Variants in MTF2 observed in about 807,000 individuals in gnomAD.
MTF2 encodes metal-response element-binding transcription factor 2.
Under a neutral mutation model 79.5 loss-of-function variants are expected in MTF2, and 11 were observed. That is an observed-to-expected ratio of 0.14 (90% CI 0.09 to 0.23). The LOEUF (loss-of-function observed/expected upper bound fraction) is 0.23, where lower values mean the gene tolerates loss of function less well. Ranked by LOEUF, MTF2 falls within the 10% of genes least tolerant of loss-of-function variation. The pLI is 1.00. For synonymous variants in MTF2, 208 were observed against 232.8 expected, an observed-to-expected ratio of 0.89 and a Z score of 0.97; for missense variants, 486 against 711.2, an observed-to-expected ratio of 0.68 and a Z score of 3.60.
chr1:93,082,072 G>T (rs1368657993), intron 1 of MTF2, among the ~76,000 whole-genome samples: 1 of 152,104 alleles, frequency 6.6e-6, no homozygotes, highest in Admixed American at 6.6e-5. Flanking sequence ...ATAGAATAAT[G>T]AAAGATAGTG....
chr1:93,131,688 G>GT (rs1245309873), intron 11 of MTF2, among the ~76,000 whole-genome samples: 1 of 152,188 alleles, frequency 6.6e-6, no homozygotes, highest in Non-Finnish European at 1.5e-5. Context: ...TCAAATGATG[G>GT]TTTTTTAAAA....
chr1:93,136,776 C>G lies in MTF2; in HGVS notation c.1531C>G (p.Gln511Glu). The change falls in exon 15 of 15, where the codon CAG becomes GAG. Residue 511 changes from glutamine to glutamate, a missense_variant. Gln to Glu is a conservative substitution (Grantham distance 29, BLOSUM62 2). Around this residue, in one of 4 missense-constraint regions of MTF2, gnomAD observed 209 missense variants for 206.5 expected, o/e 1.01. Transcript: ENST00000370298. ...TCTTCCAAGAAGAGCACTCCAGACT[C>G]AGAACTCAGAAATTGTAAAAGATGA... The part of the protein sequence containing the change: ...GRLPRRALQT[Q>E]NSEIVKDDEG... 6.2e-7 allele frequency: 1 copy of G among 1,614,120 alleles called. No individual in the cohort carries two copies. Among genetic ancestry groups the G allele is most frequent in the South Asian group, 1.1e-5 (1 of 91,084 alleles).
In MTF2 at chr1:93,136,893, A is replaced by T. The variant is rs768013188; in HGVS notation, c.1648A>T (p.Asn550Tyr). Residue 550 changes from asparagine (N) to tyrosine (Y), a missense_variant, in exon 15 of 15, where the codon AAC becomes TAC. Physicochemically the swap from Asn to Tyr is moderately radical, Grantham distance 143. Around this residue, in one of 4 missense-constraint regions of MTF2, gnomAD observed 209 missense variants for 206.5 expected, o/e 1.01. Coordinates refer to ENST00000370298, the MANE Select transcript of MTF2 (RefSeq NM_007358.4). ...GGAGTTACAACTCAATCATCTAAAG[A>T]ACTCCATTACCAGTTATTTTGGTGC... The part of the protein sequence containing the change: ...DQELQLNHLK[N>Y]SITSYFGAAG... 3.7e-6 allele frequency: 6 copies of T among 1,614,214 alleles called. No homozygotes were observed. Among genetic ancestry groups the T allele is most frequent in the Non-Finnish European group, 5.1e-6 (6 of 1,180,026 alleles).
At chr1:93,084,390 T>C (rs1361770737) in intron 1 of MTF2, among the ~76,000 whole-genome samples, 1 of 152,230 alleles carries the variant, frequency 6.6e-6, no homozygotes, top group Non-Finnish European at 1.5e-5. Flanking sequence ...TAATTACCAT[T>C]ACTTCATAGT....
At chr1:93,109,494 C>T (rs574690101) in intron 1 of MTF2, among the ~76,000 whole-genome samples, 10 of 152,130 alleles carry the variant, frequency 6.6e-5, no homozygotes, top group East Asian at 1.9e-4. Context: ...CCACCACGCC[C>T]GGCTAATCTT....
At chr1:93,087,409 T>C (rs149292664) in intron 1 of MTF2, among the ~76,000 whole-genome samples, 81 of 152,130 alleles carry the variant, frequency 5.3e-4, no homozygotes, top group African/African-American at 1.7e-3. Context: ...CCATCTCTAC[T>C]AAAAATGCAA....
chr1:93,118,261 CTTTTTTT>C (rs34049352), intron 6 of MTF2, 77 bp from the exon 7 acceptor site: 2 of 505,102 alleles, frequency 4.0e-6, no homozygotes, highest in Non-Finnish European at 6.3e-6. Flanking sequence ...GATTAGGCCA[CTTTTTTT>C]TTTTTTTTTT....
chr1:93,101,570 T>TTTTTTTTTG (rs2101042117), intron 1 of MTF2, among the ~76,000 whole-genome samples: 1 of 55,856 alleles, frequency 1.8e-5, no homozygotes, highest in Admixed American at 1.7e-4. Context: ...TCAGGCTGGT[T>TTTTTTTTTG]TTTTTTTTTT....
chr1:93,082,332 G>A lies in MTF2; in HGVS notation c.5+2801G>A, dbSNP rs556424265. Among the ~76,000 whole-genome samples the A allele has an allele frequency of 6.0e-5, 9 of 151,158 alleles. No individual in the cohort carries two copies. In the South Asian group the frequency reaches 1.9e-3, roughly 31 times the overall value. ...GTCTTGCTCTGTCACCCAGGCTGGA[G>A]TGAAGTGGTGCTATCATAACTTGCT... On this transcript the variant is annotated intron_variant, in intron 1 of 14. Coordinates refer to ENST00000370298, the MANE Select transcript of MTF2 (RefSeq NM_007358.4).
intron 1 of MTF2, among the ~76,000 whole-genome samples, chr1:93,092,598 TATA>T (rs977434139): frequency 3.0e-4 from 45 of 152,288 alleles, no homozygotes; most frequent in African/African-American, 1.1e-3. Context: ...ATATATTTTT[TATA>T]ATGTTAGATG....
intron 1 of MTF2, among the ~76,000 whole-genome samples, chr1:93,101,764 A>G (rs1257986586): frequency 2.6e-5 from 4 of 151,264 alleles, no homozygotes; most frequent in African/African-American, 9.7e-5. Context: ...AATATTTTGT[A>G]GAGCCTGGAT....
chr1:93,124,577 A>G (rs1557557870), intron 9 of MTF2, among the ~76,000 whole-genome samples: 1 of 152,064 alleles, frequency 6.6e-6, no homozygotes, highest in Non-Finnish European at 1.5e-5. Flanking sequence ...ATACTGTGGT[A>G]GAAATGATAC....
chr1:93,097,337 A>C (rs1246187886), intron 1 of MTF2, among the ~76,000 whole-genome samples: 2 of 151,994 alleles, frequency 1.3e-5, no homozygotes, highest in Non-Finnish European at 2.9e-5. Flanking sequence ...TTTCCTTCTA[A>C]TTTCCCCCAT....
intron 9 of MTF2, among the ~76,000 whole-genome samples, chr1:93,122,792 A>G (rs1459977264): frequency 6.6e-6 from 1 of 152,096 alleles, no homozygotes; most frequent in Non-Finnish European, 1.5e-5. Context: ...TAAGGTTTCT[A>G]ATTTTCTGTA....
intron 1 of MTF2, among the ~76,000 whole-genome samples, chr1:93,092,303 TTGA>T (rs1421044913): frequency 6.6e-6 from 1 of 152,186 alleles, no homozygotes; most frequent in Admixed American, 6.5e-5. Context: ...ACCATAGATG[TTGA>T]TGTTACCAAG....
rs1007204378 is a variant in MTF2, at chr1:93,097,263, G to A, written c.6-12967G>A. 2.6e-5 allele frequency among the ~76,000 whole-genome samples: 4 copies of A among 152,226 alleles called. No homozygotes were observed. The South Asian group carries it at 6.2e-4, about 24-fold the overall frequency. On this transcript the variant is annotated intron_variant, in intron 1 of 14. Transcript: ENST00000370298. ...ATAGATCAGTATATGGTCAGTTTTT[G>A]TAAATATTTTGCCTAGCAGACATCC...
At chr1:93,082,214 A>C (rs1161753974) in intron 1 of MTF2, among the ~76,000 whole-genome samples, 1 of 152,198 alleles carries the variant, frequency 6.6e-6, no homozygotes, top group African/African-American at 2.4e-5. Context: ...AACTTAAGGA[A>C]TATTTCAAAC....
intron 9 of MTF2, among the ~76,000 whole-genome samples, chr1:93,125,302 G>GTTTTGTT (rs1557558172): frequency 4.0e-5 from 3 of 75,554 alleles, no homozygotes; most frequent in Non-Finnish European, 3.5e-5. Context: ...GTTTGTCAGT[G>GTTTTGTT]TTTTTTTTTT....
intron 1 of MTF2, 130 bp from the exon 2 acceptor site, chr1:93,110,100 G>A: frequency 1.2e-6 from 1 of 817,366 alleles, no homozygotes; most frequent in Non-Finnish European, 1.9e-6. Flanking sequence ...TATGATTTGA[G>A]GTACTTTTTA....
Sources: gnomAD v4.1 joint callset for allele counts (sites outside exome capture counted in the v4.1 genomes callset) on GRCh38, gnomAD v4.1.1 for gene constraint, gnomAD v4.1.1 regional missense constraint, MANE v1.5 for transcripts, NCBI Gene and HGNC (gene_info 2026-07-23, HGNC 2026-07-21) for gene names.